Variants in TANC1 observed in about 807,000 individuals in gnomAD.
TANC1 encodes the protein tetratricopeptide repeat, ankyrin repeat and coiled-coil containing 1, also known as protein TANC1.
A neutral mutation model predicts 149.7 loss-of-function variants in TANC1; 77 were observed. The observed-to-expected ratio is 0.51, with a 90% CI of 0.43 to 0.62. TANC1 has a LOEUF of 0.62. TANC1 is among the 20% of genes least tolerant of loss of function. The pLI is 0.00. For missense variants in TANC1, 1,985 were observed against 2,321.8 expected (o/e 0.85, Z 2.98); for synonymous variants, 854 against 925.0 (o/e 0.92, Z 1.39).
At chr2:159,133,312 G>T (rs555555675) in intron 4 of TANC1, among the ~76,000 whole-genome samples, 37 of 150,900 alleles carry the variant, frequency 2.5e-4, no homozygotes, top group African/African-American at 9.0e-4. Flanking sequence ...CAAACCAAAA[G>T]TGTATATGGG....
intron 2 of TANC1, among the ~76,000 whole-genome samples, chr2:159,032,954 A>G (rs2039899222): frequency 1.3e-5 from 2 of 152,122 alleles, no homozygotes; most frequent in African/African-American, 2.4e-5. Flanking sequence ...GCCTGAATCA[A>G]TTTTGTTATG....
chr2:158,980,379 T>C (rs2149213486), intron 1 of TANC1, among the ~76,000 whole-genome samples: 1 of 152,314 alleles, frequency 6.6e-6, no homozygotes, highest in East Asian at 1.9e-4. Flanking sequence ...GCAGACATCA[T>C]GTAATTTTGC....
At chr2:159,114,835 T>C (rs981330717) in intron 4 of TANC1, among the ~76,000 whole-genome samples, 2 of 152,232 alleles carry the variant, frequency 1.3e-5, no homozygotes, top group Non-Finnish European at 2.9e-5. Context: ...TCCCTTTCAT[T>C]GTAAGAGGAC....
intron 3 of TANC1, among the ~76,000 whole-genome samples, chr2:159,074,824 GC>G (rs2043494831): frequency 6.6e-6 from 1 of 152,086 alleles, no homozygotes; most frequent in Non-Finnish European, 1.5e-5. Context: ...AGATGAGGGT[GC>G]CAGCATGGTT....
intron 2 of TANC1, among the ~76,000 whole-genome samples, chr2:159,011,337 A>AC (rs1235441373): frequency 2.0e-5 from 3 of 152,096 alleles, no homozygotes; most frequent in South Asian, 2.1e-4. Flanking sequence ...AACAACAACA[A>AC]AAAAAAACCT....
chr2:159,181,157 C>T (rs1172744232), intron 14 of TANC1, among the ~76,000 whole-genome samples: 1 of 152,144 alleles, frequency 6.6e-6, no homozygotes, highest in African/African-American at 2.4e-5. Context: ...GAATTCTTAT[C>T]TGGGTTTTTG....
chr2:159,127,779 G>T (rs2049621861), intron 4 of TANC1, among the ~76,000 whole-genome samples: 1 of 152,208 alleles, frequency 6.6e-6, no homozygotes, highest in Admixed American at 6.5e-5. Context: ...CTAGGTGATG[G>T]GTTGATAGGT....
At chr2:159,179,543 A>G (rs2056250819) in intron 14 of TANC1, among the ~76,000 whole-genome samples, 1 of 152,084 alleles carries the variant, frequency 6.6e-6, no homozygotes, top group African/African-American at 2.4e-5. Flanking sequence ...GGGCTTCTCT[A>G]GAGGGAGTTC....
intron 16 of TANC1, among the ~76,000 whole-genome samples, chr2:159,193,664 C>T (rs2057634685): frequency 6.6e-6 from 1 of 152,034 alleles, no homozygotes; most frequent in African/African-American, 2.4e-5. Flanking sequence ...AGCTGAGATA[C>T]AGGCACACAC....
chr2:159,084,253 A>G (rs2044600345), intron 3 of TANC1, among the ~76,000 whole-genome samples: 2 of 152,064 alleles, frequency 1.3e-5, no homozygotes, highest in African/African-American at 4.8e-5. Context: ...CCATCTCAAA[A>G]AAAAAAAAAA....
chr2:159,140,777 G>C (rs1211343658), intron 5 of TANC1, among the ~76,000 whole-genome samples: 4 of 141,182 alleles, frequency 2.8e-5, no homozygotes, highest in African/African-American at 1.1e-4. Context: ...TGCAACCTCT[G>C]CCTCCTGGGT....
chr2:159,119,107 T>G (rs937849531), intron 4 of TANC1, among the ~76,000 whole-genome samples: 2 of 152,218 alleles, frequency 1.3e-5, no homozygotes, highest in African/African-American at 4.8e-5. Context: ...GTCATATTTT[T>G]CTTTGGTATA....
At chr2:159,189,323 C>T (rs1056721331) in intron 16 of TANC1, among the ~76,000 whole-genome samples, 7 of 152,134 alleles carry the variant, frequency 4.6e-5, no homozygotes, top group African/African-American at 7.2e-5. Flanking sequence ...GCCCTCATCT[C>T]GGCATGAGGT....
chr2:159,179,052 G>A lies in TANC1; in HGVS notation c.2399G>A (p.Cys800Tyr). The A allele has an allele frequency of 1.2e-6, 2 of 1,613,944 alleles. No individual in the cohort carries two copies. The highest frequency in any genetic ancestry group is 1.7e-6 in the Non-Finnish European group (2 of 1,180,016). Reference protein sequence around the residue: ...DFQQRMDALSCFLIKRRDKTR... With the variant: ...DFQQRMDALSYFLIKRRDKTR... ...CAGCAGAGGATGGACGCCCTCTCCT[G>A]CTTCCTCATTAAGAGGCGAGACAAA... Residue 800 changes from cysteine (C) to tyrosine (Y), a missense_variant, in exon 14 of 27, where the codon TGC (cysteine) becomes TAC (tyrosine). Physicochemically the swap from Cys to Tyr is radical, Grantham distance 194 (BLOSUM62 -2). Around this residue, in one of 3 missense-constraint regions of TANC1, gnomAD observed 508 missense variants for 714.2 expected, o/e 0.71. Transcript: ENST00000263635.
chr2:159,009,935 A>G (rs948264406), intron 2 of TANC1, among the ~76,000 whole-genome samples: 5 of 152,218 alleles, frequency 3.3e-5, no homozygotes, highest in African/African-American at 1.2e-4. Context: ...GAAGGTAGAA[A>G]TTGACAACAT....
intron 2 of TANC1, among the ~76,000 whole-genome samples, chr2:159,054,527 A>G (rs975074297): frequency 1.3e-5 from 2 of 152,186 alleles, no homozygotes; most frequent in African/African-American, 4.8e-5. Context: ...TATTCTGGGC[A>G]TTAAGTGAAA....
At chr2:159,029,022 T>C (rs1291486400) in intron 2 of TANC1, among the ~76,000 whole-genome samples, 2 of 152,056 alleles carry the variant, frequency 1.3e-5, no homozygotes, top group African/African-American at 4.8e-5. Context: ...TCCCAAAGTG[T>C]TGGGATTACA....
At chr2:159,083,484 A>C (rs972605084) in intron 3 of TANC1, among the ~76,000 whole-genome samples, 10 of 152,170 alleles carry the variant, frequency 6.6e-5, no homozygotes, top group African/African-American at 2.2e-4. Context: ...AAAGGGTTCC[A>C]TTAGAGAAAT....
intron 22 of TANC1, among the ~76,000 whole-genome samples, chr2:159,222,863 A>G (rs942392313): frequency 6.6e-6 from 1 of 152,182 alleles, no homozygotes; most frequent in South Asian, 2.1e-4. Context: ...AGCACAGTGC[A>G]TAAGGGCTCC....
Sources: allele counts gnomAD v4.1 joint callset (sites outside exome capture counted in the v4.1 genomes callset), GRCh38; gene constraint gnomAD v4.1.1; regional missense constraint gnomAD v4.1.1; transcripts MANE v1.5; gene names NCBI Gene and HGNC (gene_info 2026-07-23, HGNC 2026-07-21).